Variants in C17orf78 observed in about 807,000 individuals in gnomAD.
The protein encoded by C17orf78 is chromosome 17 open reading frame 78, also known as uncharacterized protein C17orf78.
A neutral mutation model predicts 31.8 loss-of-function variants in C17orf78; 27 were observed. The observed-to-expected ratio is 0.85, with a 90% confidence interval of 0.63 to 1.17. The LOEUF (loss-of-function observed/expected upper bound fraction) is 1.17. C17orf78 is among the 50% of genes most tolerant of loss of function. The pLI, the probability that C17orf78 is intolerant of heterozygous loss-of-function variation, is 0.00. For missense variants in C17orf78, 258 were observed against 315.2 expected (o/e 0.82, Z 1.37); for synonymous variants, 106 against 115.1 (o/e 0.92, Z 0.51).
In C17orf78 at chr17:37,388,702, T is replaced by C; in HGVS notation, c.541T>C (p.Trp181Arg). 6.2e-7 allele frequency: 1 copy of C among 1,612,020 alleles called. No homozygotes were observed. Among genetic ancestry groups the C allele is most frequent in the Non-Finnish European group, 8.5e-7 (1 of 1,178,554 alleles). The change falls in exon 5 of 7, where the codon TGG (tryptophan) becomes CGG (arginine). Residue 181 changes from tryptophan (W) to arginine (R), a missense_variant. Physicochemically the swap from Trp to Arg is moderately radical, Grantham distance 101. Coordinates refer to ENST00000615133, the MANE Select transcript of C17orf78 (RefSeq NM_173625.5). ...TGAGAACCTAGAGAAGAGACAGAAA[T>C]GGAGTATTGTGGTCAAAATTCTGAT... ...TDENLEKRQK[W>R]SIVVKILIAV...
chr17:37,384,042 G>A lies in C17orf78; in HGVS notation c.392-1967G>A, dbSNP rs375788074. On this transcript the variant is annotated intron_variant, in intron 3 of 6. Coordinates refer to ENST00000615133, the MANE Select transcript of C17orf78 (RefSeq NM_173625.5). ...GCACTTTGGGAGCCCGAGGCGGGCA[G>A]AACATGAGGTCAGGAATTCGAGACC... Among the ~76,000 whole-genome samples the A allele has an allele frequency of 3.6e-4, 55 of 152,292 alleles. 1 individual carries two copies. In the East Asian group the frequency reaches 8.3e-3, roughly 23 times the overall value.
At chr17:37,386,831 T>A (rs1045745552) in intron 4 of C17orf78, 2 of 152,462 alleles carry the variant, frequency 1.3e-5, no homozygotes, top group African/African-American at 4.8e-5. Flanking sequence ...TTTTCTTTTT[T>A]TTTTTTTGAG....
In C17orf78 at chr17:37,376,151, G is replaced by T. The variant is rs893595079; in HGVS notation, c.58+1G>T. ...GCATCCTATGATGCCAACAAGAAAG[G>T]TATGTAATTCTCTAGCCTAATCTCC... On this transcript the variant is annotated splice_donor_variant, in intron 1 of 6. Transcript: ENST00000615133. LOFTEE classifies it high-confidence loss of function. 9 of 1,608,920 alleles carry T rather than the reference G, an allele frequency of 5.6e-6. No homozygotes were observed. The highest frequency in any genetic ancestry group is 3.3e-5 in the Admixed American group (2 of 59,998).
intron 3 of C17orf78, among the ~76,000 whole-genome samples, chr17:37,382,265 C>T (rs1357279642): frequency 6.6e-6 from 1 of 152,014 alleles, no homozygotes; most frequent in East Asian, 1.9e-4. Flanking sequence ...CCTATTCCCC[C>T]ACAGCTGCTG....
At chr17:37,390,504 G>A (rs536652192) in intron 6 of C17orf78, among the ~76,000 whole-genome samples, 6 of 147,708 alleles carry the variant, frequency 4.1e-5, no homozygotes, top group East Asian at 4.1e-4. Context: ...GTGTGCACCC[G>A]TAGTCCCAGC....
intron 5 of C17orf78, among the ~76,000 whole-genome samples, chr17:37,389,031 T>C (rs997939396): frequency 6.6e-6 from 1 of 152,164 alleles, no homozygotes; most frequent in Non-Finnish European, 1.5e-5. Context: ...AAGATTGAGA[T>C]TCTGTGTGAA....
chr17:37,387,529 C>T (rs2050597227), intron 4 of C17orf78: 1 of 151,828 alleles, frequency 6.6e-6, no homozygotes, highest in African/African-American at 2.4e-5. Context: ...TTACTGCAAC[C>T]TCTGCCTCCC....
chr17:37,382,667 C>A (rs972111010), intron 3 of C17orf78, among the ~76,000 whole-genome samples: 35 of 152,134 alleles, frequency 2.3e-4, no homozygotes, highest in African/African-American at 8.5e-4. Flanking sequence ...CAGGACCATC[C>A]TGGCCAACAT....
At chr17:37,391,544 G>C in intron 6 of C17orf78, 103 bp from the exon 7 acceptor site, 1 of 989,904 alleles carries the variant, frequency 1.0e-6, no homozygotes, top group Non-Finnish European at 1.6e-6. Flanking sequence ...AAGTGCACTT[G>C]GAATTACATG....
At position 37,386,042 on chromosome 17, in the gene C17orf78, TG is replaced by T; in HGVS notation, c.430del (p.Ala144LeufsTer13). The T allele has an allele frequency of 1.2e-6, 2 of 1,604,378 alleles. No individual in the cohort carries two copies. Among genetic ancestry groups the T allele is most frequent in the East Asian group, 2.2e-5 (1 of 44,722 alleles). ...FLPGISQCKV[L>X]GASSETFPTT... ...CCAGGGATCTCACAATGTAAAGTCC[TG>T]GGGGCTTCATCAGAGACTTTTCCCA... On this transcript the variant is annotated frameshift_variant, in exon 4 of 7. Transcript: ENST00000615133. LOFTEE classifies it high-confidence loss of function.
rs8082190 is a variant in C17orf78 at position 37,391,913 on chromosome 17, C to A, written c.*189C>A. 1.2e-5 allele frequency: 7 copies of A among 598,482 alleles called. No homozygotes were observed. The highest frequency in any genetic ancestry group is 1.8e-5 in the Non-Finnish European group (6 of 337,072). The allele number at this position is 598,482 out of a possible 1,614,324, so 37.1% of individuals were successfully genotyped here. A position where few individuals can be genotyped will look rare whatever the true frequency, so the allele number is the denominator to read the frequency against. The stretch of plus-strand genomic sequence containing the variant: ...CCTCATGCCCCTATCTGAGCCACAA[C>A]CTTCTGTAATTCACTTCATACATCC... On this transcript the variant is annotated 3_prime_UTR_variant, in exon 7 of 7. Transcript: ENST00000615133.
In C17orf78 at chr17:37,376,134, T is replaced by C. The variant is rs1318367857; in HGVS notation, c.42T>C (p.Tyr14=). Residue 14 remains tyrosine, a synonymous_variant, in exon 1 of 7, where the codon TAT becomes TAC. Transcript: ENST00000615133. Reference sequence around the variant, plus strand: ...TCTTCAGCCTAATCATTGCATCCTATGATGCCAACAAGAAAGGTATGTAAT... The same window carrying C: ...TCTTCAGCCTAATCATTGCATCCTACGATGCCAACAAGAAAGGTATGTAAT... ...ILVFSLIIAS[Y]DANKKDLRDS... 6.2e-7 allele frequency: 1 copy of C among 1,612,054 alleles called. No individual in the cohort carries two copies. Among genetic ancestry groups the C allele is most frequent in the East Asian group, 2.2e-5 (1 of 44,888 alleles).
In C17orf78 at chr17:37,388,808, TG is replaced by T; in HGVS notation, c.633+15del. On this transcript the variant is annotated intron_variant, in intron 5 of 6. Transcript: ENST00000615133. ...GTCCCATGTCCTGTAAGTTTGCTGT[TG>T]TATTGAATCCTTGAACTTGACCCAT... 1.2e-6 allele frequency: 2 copies of T among 1,612,710 alleles called. No homozygotes were observed. Among genetic ancestry groups the T allele is most frequent in the Non-Finnish European group, 1.7e-6 (2 of 1,179,494 alleles).
intron 3 of C17orf78, among the ~76,000 whole-genome samples, chr17:37,381,858 A>G (rs2050296933): frequency 6.7e-6 from 1 of 149,494 alleles, no homozygotes; most frequent in Admixed American, 6.6e-5. Context: ...CGATCGCCTG[A>G]CCTTGTGATC....
At chr17:37,380,191 C>T (rs1418027097) in intron 3 of C17orf78, among the ~76,000 whole-genome samples, 1 of 148,246 alleles carries the variant, frequency 6.7e-6, no homozygotes, top group East Asian at 2.0e-4. Context: ...AACCAAACAC[C>T]GCATATTCTC....
intron 6 of C17orf78, among the ~76,000 whole-genome samples, chr17:37,390,351 G>A (rs1412237405): frequency 3.1e-5 from 2 of 63,820 alleles, no homozygotes; most frequent in African/African-American, 1.4e-4. Context: ...CAGCTGGGCC[G>A]GGCACGGTGG....
chr17:37,382,959 C>G (rs776476347), intron 3 of C17orf78, among the ~76,000 whole-genome samples: 6 of 152,144 alleles, frequency 3.9e-5, no homozygotes, highest in Non-Finnish European at 8.8e-5. Flanking sequence ...ATGACTTGAA[C>G]CCGGGAGGCG....
intron 3 of C17orf78, among the ~76,000 whole-genome samples, chr17:37,382,148 A>G (rs1324201166): frequency 6.6e-6 from 1 of 152,052 alleles, no homozygotes; most frequent in Non-Finnish European, 1.5e-5. Flanking sequence ...CAATTTATCA[A>G]TAAGATTCCA....
intron 3 of C17orf78, among the ~76,000 whole-genome samples, chr17:37,382,910 G>A (rs770947693): frequency 2.6e-5 from 4 of 151,942 alleles, no homozygotes; most frequent in African/African-American, 4.8e-5. Flanking sequence ...GGAGGCACGC[G>A]CTTGTAGTCC....
Sources: gnomAD v4.1 joint callset for allele counts (sites outside exome capture counted in the v4.1 genomes callset) on GRCh38, gnomAD v4.1.1 for gene constraint, MANE v1.5 for transcripts, NCBI Gene and HGNC (gene_info 2026-07-23, HGNC 2026-07-21) for gene names.